The following CSMD1 variants were observed in gnomAD, a reference collection of about 807,000 sequenced individuals.
The protein encoded by CSMD1 is CUB and Sushi multiple domains 1.
In CSMD1, 213 loss-of-function variants were observed where a neutral mutation model predicts 417.5. The ratio of observed to expected loss-of-function variants is 0.51; its 90% confidence interval spans 0.46 to 0.57. The LOEUF is 0.57. CSMD1 is among the 20% of genes least tolerant of loss of function. The pLI, the probability that CSMD1 is intolerant of heterozygous loss-of-function variation, is 0.00. For missense variants in CSMD1, 6,923 were observed against 4,529.7 expected (o/e 1.53, Z -15.17); for synonymous variants, 2,862 against 1,736.8 (o/e 1.65, Z -16.11).
intron 6 of CSMD1, among the ~76,000 whole-genome samples, chr8:3,749,344 T>G (rs1797209217): frequency 6.6e-6 from 1 of 152,240 alleles, no homozygotes; most frequent in South Asian, 2.1e-4. Context: ...CTACTACTTT[T>G]GTTCACAATG....
At chr8:4,225,748 G>A (rs553628147) in intron 3 of CSMD1, among the ~76,000 whole-genome samples, 6 of 152,154 alleles carry the variant, frequency 3.9e-5, no homozygotes, top group Non-Finnish European at 7.4e-5. Context: ...CTGAGTAAAG[G>A]TTTCAATGGG....
intron 26 of CSMD1, among the ~76,000 whole-genome samples, chr8:3,272,869 G>T (rs544972397): frequency 6.7e-6 from 1 of 150,178 alleles, no homozygotes; most frequent in African/African-American, 2.5e-5. Flanking sequence ...CAATCATGTC[G>T]TCTGCAAACA....
At chr8:3,112,387 C>G (rs979402644) in intron 42 of CSMD1, among the ~76,000 whole-genome samples, 2 of 152,096 alleles carry the variant, frequency 1.3e-5, no homozygotes, top group African/African-American at 4.8e-5. Context: ...TATAGTAGCA[C>G]CCTTCCTGTT....
intron 30 of CSMD1, 52 bp from the exon 31 acceptor site, chr8:3,205,672 G>A: frequency 3.6e-6 from 3 of 832,510 alleles, no homozygotes; most frequent in Non-Finnish European, 5.7e-6. Flanking sequence ...TAGCGCAGGT[G>A]ATAGGTGAGC....
chr8:3,644,203 C>T (rs1797459011), intron 7 of CSMD1, among the ~76,000 whole-genome samples: 1 of 152,160 alleles, frequency 6.6e-6, no homozygotes. Context: ...GGGCGGGGCT[C>T]AGAAATCTAT....
At chr8:4,299,598 G>C (rs913560704) in intron 3 of CSMD1, among the ~76,000 whole-genome samples, 1 of 152,046 alleles carries the variant, frequency 6.6e-6, no homozygotes, top group Non-Finnish European at 1.5e-5. Flanking sequence ...CCCCATATTG[G>C]CCAATATTTT....
intron 7 of CSMD1, among the ~76,000 whole-genome samples, chr8:3,672,755 G>T (rs995530967): frequency 6.6e-6 from 1 of 152,168 alleles, no homozygotes; most frequent in Non-Finnish European, 1.5e-5. Context: ...CAGGCAAATG[G>T]AAGAAGGCTG....
chr8:4,213,815 G>T (rs190750668), intron 3 of CSMD1, among the ~76,000 whole-genome samples: 4 of 152,140 alleles, frequency 2.6e-5, no homozygotes, highest in Non-Finnish European at 5.9e-5. Context: ...CATTGAGAAA[G>T]ATAAGAAAAG....
chr8:3,211,723 C>T (rs551226290), intron 30 of CSMD1, among the ~76,000 whole-genome samples: 3 of 152,150 alleles, frequency 2.0e-5, no homozygotes, highest in Admixed American at 6.5e-5. Flanking sequence ...TCAGTGCTGC[C>T]GTTGGCTCAC....
At chr8:3,783,960 C>A (rs1038329019) in intron 5 of CSMD1, among the ~76,000 whole-genome samples, 1 of 152,188 alleles carries the variant, frequency 6.6e-6, no homozygotes, top group Non-Finnish European at 1.5e-5. Flanking sequence ...TATTACCTGC[C>A]CTTGGGCAAA....
chr8:3,419,416 C>A (rs776933470), intron 12 of CSMD1, among the ~76,000 whole-genome samples: 1 of 152,164 alleles, frequency 6.6e-6, no homozygotes, highest in Non-Finnish European at 1.5e-5. Context: ...TAAAAATTTA[C>A]TATTCTAGAA....
chr8:3,898,299 AC>A (rs1302014978), intron 5 of CSMD1, among the ~76,000 whole-genome samples: 1 of 152,238 alleles, frequency 6.6e-6, no homozygotes, highest in African/African-American at 2.4e-5. Flanking sequence ...CAACATTTGA[AC>A]AATTCAAGGA....
chr8:4,043,179 T>A (rs1425577545), intron 3 of CSMD1, among the ~76,000 whole-genome samples: 1 of 152,040 alleles, frequency 6.6e-6, no homozygotes, highest in East Asian at 1.9e-4. Context: ...AACATCACAG[T>A]AGATTATGGT....
intron 41 of CSMD1, among the ~76,000 whole-genome samples, chr8:3,140,144 T>G (rs1233830015): frequency 6.6e-6 from 1 of 152,188 alleles, no homozygotes; most frequent in Non-Finnish European, 1.5e-5. Flanking sequence ...CCTCAGGTGA[T>G]CAGCCCGCCT....
At chr8:3,079,883 C>T (rs1813959142) in intron 49 of CSMD1, among the ~76,000 whole-genome samples, 1 of 152,136 alleles carries the variant, frequency 6.6e-6, no homozygotes, top group Admixed American at 6.5e-5. Context: ...CAGACATATC[C>T]ACGTGCATCC....
At chr8:3,456,713 G>A (rs894731985) in intron 12 of CSMD1, among the ~76,000 whole-genome samples, 34 of 152,182 alleles carry the variant, frequency 2.2e-4, no homozygotes, top group Non-Finnish European at 4.3e-4. Flanking sequence ...CCATAAAGAC[G>A]AAATATTTGG....
At chr8:4,233,839 T>G (rs1375217566) in intron 3 of CSMD1, among the ~76,000 whole-genome samples, 1 of 152,158 alleles carries the variant, frequency 6.6e-6, no homozygotes, top group Admixed American at 6.5e-5. Flanking sequence ...TAATTATTAT[T>G]TGGCCATATA....
At chr8:3,884,841 G>A (rs1202536062) in intron 5 of CSMD1, among the ~76,000 whole-genome samples, 1 of 151,388 alleles carries the variant, frequency 6.6e-6, no homozygotes, top group Non-Finnish European at 1.5e-5. Flanking sequence ...TCGTCAGTCT[G>A]TGTATGAAAA....
intron 10 of CSMD1, among the ~76,000 whole-genome samples, chr8:3,556,415 T>TATATATATATATATATACACATA (rs1799148435): frequency 1.8e-4 from 10 of 57,122 alleles, no homozygotes; most frequent in African/African-American, 6.2e-4. Flanking sequence ...ATATATATAT[T>TATATATATATATATATACACATA]CACACACACA....
Sources: gnomAD v4.1 joint callset for allele counts (sites outside exome capture counted in the v4.1 genomes callset) on GRCh38, gnomAD v4.1.1 for gene constraint, MANE v1.5 for transcripts, NCBI Gene and HGNC (gene_info 2026-07-23, HGNC 2026-07-21) for gene names.